Variants in ADCK1 observed in about 807,000 individuals in gnomAD.
ADCK1 encodes aarF domain-containing protein kinase 1.
ADCK1 carries 41 observed loss-of-function variants against 52.3 expected under a neutral mutation model. The ratio of observed to expected loss-of-function variants is 0.78; its 90% confidence interval spans 0.61 to 1.02. The LOEUF (loss-of-function observed/expected upper bound fraction) is 1.02, where lower values mean the gene tolerates loss of function less well. Among genes scored for constraint, ADCK1 ranks in the 50% least tolerant of loss-of-function variants. The probability of loss-of-function intolerance (pLI) is 0.00; values close to 1 mark genes in which losing one functional copy is unlikely to be tolerated. For synonymous variants in ADCK1, 250 were observed against 274.6 expected (o/e 0.91, Z 0.89); for missense variants, 658 against 679.5 (o/e 0.97, Z 0.35).
Position 77,925,802 on chromosome 14 carries a change from C to T in ADCK1, c.1047C>T (p.Leu349=). 7 of 1,614,200 alleles carry T rather than the reference C, an allele frequency of 4.3e-6. No individual in the cohort carries two copies. Among genetic ancestry groups the T allele is most frequent in the Non-Finnish European group, 5.9e-6 (7 of 1,180,008 alleles). ...AATTCCGCCTGAATTACTGCCACCT[C>T]TGGCAGTCTCTGATCTGGACTGACA... The part of the protein sequence containing the change: ...TEEFRLNYCH[L]WQSLIWTDMK... Residue 349 remains leucine, a synonymous_variant, in exon 9 of 11, where the codon CTC becomes CTT. Coordinates refer to ENST00000238561, the MANE Select transcript of ADCK1 (RefSeq NM_020421.4).
intron 4 of ADCK1, among the ~76,000 whole-genome samples, chr14:77,863,479 C>A (rs2082595591): frequency 6.6e-6 from 1 of 152,102 alleles, no homozygotes; most frequent in African/African-American, 2.4e-5. Flanking sequence ...CACACACACA[C>A]ACACACATCT....
intron 1 of ADCK1, among the ~76,000 whole-genome samples, chr14:77,803,310 T>A (rs1449361902): frequency 6.6e-6 from 1 of 152,104 alleles, no homozygotes; most frequent in African/African-American, 2.4e-5. Flanking sequence ...GCCTTTTCTC[T>A]GTGGTAATTC....
intron 4 of ADCK1, among the ~76,000 whole-genome samples, chr14:77,879,728 A>T (rs1408583344): frequency 6.6e-6 from 1 of 152,092 alleles, no homozygotes; most frequent in Non-Finnish European, 1.5e-5. Context: ...CAGGCTGGTG[A>T]GGAGGTCATT....
At chr14:77,808,058 T>C (rs1004620654) in intron 1 of ADCK1, among the ~76,000 whole-genome samples, 6 of 152,154 alleles carry the variant, frequency 3.9e-5, no homozygotes, top group African/African-American at 1.2e-4. Flanking sequence ...ACAGAAGCCT[T>C]TCCTGACAGA....
At chr14:77,877,186 G>C (rs903832848) in intron 4 of ADCK1, among the ~76,000 whole-genome samples, 1 of 152,206 alleles carries the variant, frequency 6.6e-6, no homozygotes. Context: ...CTGCACTCCA[G>C]CCTGGGCAAC....
intron 6 of ADCK1, among the ~76,000 whole-genome samples, chr14:77,903,524 C>T (rs2083593746): frequency 6.6e-6 from 1 of 152,176 alleles, no homozygotes; most frequent in Admixed American, 6.5e-5. Context: ...GGCAGCTAGG[C>T]TGAATGATTA....
In ADCK1 at chr14:77,923,067, T is replaced by C. The variant is rs1330814056; in HGVS notation, c.859-1390T>C. Among the ~76,000 whole-genome samples the C allele has an allele frequency of 2.0e-5, 3 of 152,224 alleles. No individual in the cohort carries two copies. The East Asian group carries it at 5.8e-4, about 29-fold the overall frequency. ...TAAATTATACCTCAACAAAGCTGTTTAATAAAGCAGAGCGAGTCCCTCCTA... is the reference window on the plus strand; with the variant it reads ...TAAATTATACCTCAACAAAGCTGTTCAATAAAGCAGAGCGAGTCCCTCCTA... On this transcript the variant is annotated intron_variant, in intron 7 of 10. Transcript: ENST00000238561. The surrounding 1 kb of genome is among the most constrained non-coding windows in gnomAD (Gnocchi z 4.3).
At chr14:77,863,587 A>C (rs2082598149) in intron 4 of ADCK1, among the ~76,000 whole-genome samples, 1 of 152,172 alleles carries the variant, frequency 6.6e-6, no homozygotes, top group African/African-American at 2.4e-5. Context: ...CTGTAATCCC[A>C]GCACTTTGGG....
intron 9 of ADCK1, among the ~76,000 whole-genome samples, chr14:77,926,430 C>G (rs2084195425): frequency 6.6e-6 from 1 of 152,238 alleles, no homozygotes; most frequent in South Asian, 2.1e-4. Flanking sequence ...CTTCACTTCT[C>G]AGGTGGCACT....
At chr14:77,810,282 C>T (rs2140003891) in intron 1 of ADCK1, among the ~76,000 whole-genome samples, 1 of 151,610 alleles carries the variant, frequency 6.6e-6, no homozygotes, top group South Asian at 2.1e-4. Flanking sequence ...GCCCAGCTAA[C>T]TTTTTTATTG....
intron 5 of ADCK1, among the ~76,000 whole-genome samples, chr14:77,897,901 G>A (rs2083446652): frequency 6.6e-6 from 1 of 152,172 alleles, no homozygotes. Context: ...AGAGTTGGCT[G>A]TGGAATTCCC....
intron 4 of ADCK1, among the ~76,000 whole-genome samples, chr14:77,870,436 A>G (rs1012834422): frequency 3.3e-5 from 5 of 152,230 alleles, no homozygotes; most frequent in African/African-American, 1.2e-4. Flanking sequence ...AAATCAGCTA[A>G]TAGCCTGTGT....
intron 4 of ADCK1, among the ~76,000 whole-genome samples, chr14:77,882,471 T>C (rs1029002441): frequency 6.6e-6 from 1 of 152,246 alleles, no homozygotes; most frequent in Non-Finnish European, 1.5e-5. Context: ...TACGGTGATG[T>C]AGTTTCTAAA....
intron 1 of ADCK1, among the ~76,000 whole-genome samples, chr14:77,807,129 C>T (rs1177069734): frequency 8.6e-6 from 1 of 116,562 alleles, no homozygotes; most frequent in East Asian, 3.1e-4. Context: ...AGTGCAGTGG[C>T]GGGATCTCGG....
intron 1 of ADCK1, 128 bp from the exon 2 acceptor site, chr14:77,818,840 T>G (rs1356861227): frequency 9.1e-7 from 1 of 1,094,576 alleles, no homozygotes; most frequent in African/African-American, 1.6e-5. Context: ...ACGAAGAAAC[T>G]AAGGCTCAGT....
Position 77,868,141 on chromosome 14 carries a change from G to A in ADCK1, c.423+8862G>A, listed in dbSNP as rs959419955. Among the ~76,000 whole-genome samples, 7 of 152,302 alleles carry A rather than the reference G, an allele frequency of 4.6e-5. No homozygotes were observed. The East Asian group carries it at 1.3e-3, about 29-fold the overall frequency. On this transcript the variant is annotated intron_variant, in intron 4 of 10. Coordinates refer to ENST00000238561, the MANE Select transcript of ADCK1 (RefSeq NM_020421.4). ...AGTGCTTTGGACAAAAGTTATCTGG[G>A]AGAATCACTCATGGGTTGTGAGGGC...
chr14:77,910,459 C>T (rs772197871), intron 7 of ADCK1, among the ~76,000 whole-genome samples: 29 of 151,972 alleles, frequency 1.9e-4, no homozygotes, highest in Admixed American at 2.6e-4. Flanking sequence ...CGAAGGGATT[C>T]GATGGGATGG....
chr14:77,846,323 A>G (rs2140102911), intron 3 of ADCK1, among the ~76,000 whole-genome samples: 1 of 152,278 alleles, frequency 6.6e-6, no homozygotes, highest in Non-Finnish European at 1.5e-5. Context: ...ACCCAAAGCT[A>G]TGCTATGGTC....
chr14:77,907,742 T>C, intron 6 of ADCK1, 61 bp from the exon 7 acceptor site: 1 of 1,326,196 alleles, frequency 7.5e-7, no homozygotes, highest in South Asian at 1.3e-5. Flanking sequence ...TGTGCCACAT[T>C]GTCATCCTTG....
Sources: allele counts gnomAD v4.1 joint callset (sites outside exome capture counted in the v4.1 genomes callset), GRCh38; gene constraint gnomAD v4.1.1; non-coding constraint Gnocchi (gnomAD v3.1); transcripts MANE v1.5; gene names NCBI Gene and HGNC (gene_info 2026-07-23, HGNC 2026-07-21).